Variants in FRYL observed in about 807,000 individuals in gnomAD.
FRYL encodes the protein FRY like transcription coactivator.
Under a neutral mutation model 351.2 loss-of-function variants are expected in FRYL, and 150 were observed. That is an observed-to-expected ratio of 0.43 (90% CI 0.37 to 0.49). FRYL has a LOEUF of 0.49. Ranked by LOEUF, FRYL falls within the 20% of genes least tolerant of loss-of-function variation. The probability of loss-of-function intolerance (pLI) is 0.00; values close to 1 mark genes in which losing one functional copy is unlikely to be tolerated. For synonymous variants in FRYL, 1,153 were observed against 1,257.1 expected (o/e 0.92, Z 1.75); for missense variants, 3,036 against 3,619.3 (o/e 0.84, Z 4.13).
chr4:48,680,387 C>T (rs1764430279), intron 3 of FRYL, among the ~76,000 whole-genome samples: 1 of 151,820 alleles, frequency 6.6e-6, no homozygotes, highest in Admixed American at 6.6e-5. Flanking sequence ...TGATGTTTAT[C>T]CTAAAACATA....
chr4:48,737,143 A>G (rs1209642910), intron 1 of FRYL, among the ~76,000 whole-genome samples: 3 of 151,112 alleles, frequency 2.0e-5, no homozygotes, highest in Non-Finnish European at 4.4e-5. Flanking sequence ...AGCCAGGCAC[A>G]CTACTCAGGA....
chr4:48,535,557 A>C (rs965756963), intron 48 of FRYL, 100 bp downstream of exon 48: 14 of 591,252 alleles, frequency 2.4e-5, no homozygotes, highest in Admixed American at 9.2e-5. Context: ...AGAGTAGTTA[A>C]AATATATATA....
chr4:48,512,732 A>G, intron 56 of FRYL, 44 bp from the exon 57 acceptor site: 3 of 1,426,334 alleles, frequency 2.1e-6, no homozygotes, highest in Non-Finnish European at 3.0e-6. Context: ...TATCTCAGAA[A>G]AAAAGAATAG....
intron 1 of FRYL, among the ~76,000 whole-genome samples, chr4:48,772,150 T>A (rs554417704): frequency 6.6e-6 from 1 of 152,384 alleles, no homozygotes. Context: ...ATATGTACCA[T>A]CTTTTAAGGT....
chr4:48,772,679 C>CAAAAAA (rs33926702), intron 1 of FRYL, among the ~76,000 whole-genome samples: 3 of 50,294 alleles, frequency 6.0e-5, no homozygotes, highest in Non-Finnish European at 7.6e-5. Flanking sequence ...AGAGACCTAC[C>CAAAAAA]AAAAAAAAAA....
chr4:48,756,707 G>A (rs1773823081), intron 1 of FRYL, among the ~76,000 whole-genome samples: 1 of 152,172 alleles, frequency 6.6e-6, no homozygotes, highest in Non-Finnish European at 1.5e-5. Context: ...CAGCACTTTG[G>A]GAGGTGGAGG....
chr4:48,584,680 T>C (rs932566221), intron 19 of FRYL, among the ~76,000 whole-genome samples: 34 of 152,350 alleles, frequency 2.2e-4, no homozygotes, highest in African/African-American at 7.9e-4. Context: ...AGGGTATACA[T>C]GTGTGAGTTA....
intron 1 of FRYL, among the ~76,000 whole-genome samples, chr4:48,762,247 G>A (rs2109374586): frequency 6.6e-6 from 1 of 152,276 alleles, no homozygotes; most frequent in African/African-American, 2.4e-5. Flanking sequence ...ATTCCCCAAA[G>A]TGTAATATAT....
chr4:48,715,787 A>G (rs1194152711), intron 1 of FRYL, among the ~76,000 whole-genome samples: 1 of 152,222 alleles, frequency 6.6e-6, no homozygotes, highest in African/African-American at 2.4e-5. Context: ...TAAAGTTCAT[A>G]TGGAACCAAA....
chr4:48,776,381 C>T (rs1290846295), intron 1 of FRYL, among the ~76,000 whole-genome samples: 2 of 152,138 alleles, frequency 1.3e-5, no homozygotes, highest in Non-Finnish European at 2.9e-5. Flanking sequence ...CTCCTTTAAA[C>T]ATAAATACAC....
At chr4:48,570,997 A>G in intron 26 of FRYL, 79 bp from the exon 27 acceptor site, 2 of 1,161,810 alleles carry the variant, frequency 1.7e-6, no homozygotes, top group Non-Finnish European at 1.3e-6. Context: ...CCTCAGAGAG[A>G]GGTTCTGGGC....
intron 3 of FRYL, among the ~76,000 whole-genome samples, chr4:48,639,336 G>C (rs1451430116): frequency 6.6e-6 from 1 of 152,014 alleles, no homozygotes; most frequent in Admixed American, 6.6e-5. Flanking sequence ...TTAAAGAATA[G>C]ACTAACTGAT....
intron 3 of FRYL, among the ~76,000 whole-genome samples, chr4:48,643,505 T>C (rs1387914572): frequency 2.0e-5 from 3 of 152,000 alleles, no homozygotes; most frequent in African/African-American, 7.3e-5. Context: ...AGAAAACAAA[T>C]AAAATATTTA....
rs751939929 is a variant in FRYL, at chr4:48,575,212, C to G, written c.2751G>C (p.Leu917Phe). ...KIIGIPSPSS[L>F]FKHIVPMMRS... ...GCATCATTGGAACTATGTGCTTAAA[C>G]AAGGATGAAGGGGATGGGATGCCAA... is the stretch of plus-strand genomic sequence containing the variant. The change falls in exon 25 of 64, where the codon TTG becomes TTC. Residue 917 changes from leucine (L) to phenylalanine (F), a missense_variant. By Grantham distance (22) the Leu-to-Phe change is conservative (BLOSUM62 0). Around this residue, in one of 7 missense-constraint regions of FRYL, gnomAD observed 492 missense variants for 551.5 expected, o/e 0.89. Transcript: ENST00000358350. 1 of 1,613,538 alleles carries G rather than the reference C, an allele frequency of 6.2e-7. No homozygotes were observed. Among genetic ancestry groups the G allele is most frequent in the South Asian group, 1.1e-5 (1 of 91,008 alleles).
intron 47 of FRYL, among the ~76,000 whole-genome samples, chr4:48,538,641 T>C (rs1343159807): frequency 6.6e-6 from 1 of 152,160 alleles, no homozygotes; most frequent in African/African-American, 2.4e-5. Context: ...AATCCCAGCT[T>C]TTAAAAAAAA....
intron 3 of FRYL, among the ~76,000 whole-genome samples, chr4:48,676,615 T>C (rs1763735592): frequency 1.3e-5 from 2 of 151,338 alleles, no homozygotes; most frequent in South Asian, 2.1e-4. Context: ...ATGGTCTCAA[T>C]CTCCTGACCT....
intron 20 of FRYL, 86 bp downstream of exon 20, chr4:48,582,411 T>A (rs1236249025): frequency 2.4e-6 from 2 of 826,188 alleles, no homozygotes; most frequent in African/African-American, 1.7e-5. Context: ...ACTTTTAGTG[T>A]TTGATAAAGT....
chr4:48,677,292 C>G (rs1578686758), intron 3 of FRYL, among the ~76,000 whole-genome samples: 1 of 152,078 alleles, frequency 6.6e-6, no homozygotes. Context: ...AGGTAGATTT[C>G]TATATATTCT....
intron 55 of FRYL, among the ~76,000 whole-genome samples, chr4:48,519,506 T>A (rs1372865528): frequency 7.6e-6 from 1 of 130,800 alleles, no homozygotes; most frequent in Admixed American, 8.3e-5. Flanking sequence ...TTTTTTTTTT[T>A]TAATTTTTTA....
Sources: allele counts gnomAD v4.1 joint callset (sites outside exome capture counted in the v4.1 genomes callset), GRCh38; gene constraint gnomAD v4.1.1; regional missense constraint gnomAD v4.1.1; transcripts MANE v1.5; gene names NCBI Gene and HGNC (gene_info 2026-07-23, HGNC 2026-07-21).